Variants in DMBT1 observed in about 807,000 individuals in gnomAD.
DMBT1 encodes the protein scavenger receptor cysteine-rich domain-containing protein DMBT1.
In DMBT1, 198 loss-of-function variants were observed where a neutral mutation model predicts 252.9. That is an observed-to-expected ratio of 0.78 (90% CI 0.70 to 0.88). The LOEUF is 0.88. Among genes scored for constraint, DMBT1 ranks in the 40% least tolerant of loss-of-function variants. DMBT1 has a pLI of 0.00. For synonymous variants in DMBT1, 990 were observed against 942.7 expected (o/e 1.05, Z -0.92); for missense variants, 2,432 against 2,404.7 (o/e 1.01, Z -0.24).
At chr10:122,633,005 C>T in intron 51 of DMBT1, 115 bp downstream of exon 51, 1 of 1,544,740 alleles carries the variant, frequency 6.5e-7, no homozygotes, top group Non-Finnish European at 8.8e-7. Context: ...AGTGGTCTCC[C>T]TGCAAGAGTG....
Position 122,576,385 on chromosome 10 carries a change from G to T in DMBT1, c.284-14G>T. On this transcript the variant is annotated splice_polypyrimidine_tract_variant and intron_variant, in intron 6 of 55. Transcript: ENST00000338354. ...AGTAGGAATGTGCAAGAGAAATTCT[G>T]TGCCTTCCTCTAGGATCTGATTCTG... 6.2e-7 allele frequency: 1 copy of T among 1,612,410 alleles called. No individual in the cohort carries two copies. Among genetic ancestry groups the T allele is most frequent in the Non-Finnish European group, 8.5e-7 (1 of 1,179,026 alleles).
chr10:122,590,254 A>G (rs1441852201), intron 17 of DMBT1, among the ~76,000 whole-genome samples: 2 of 148,982 alleles, frequency 1.3e-5, no homozygotes, highest in Non-Finnish European at 3.0e-5. Flanking sequence ...CCTGTACACC[A>G]GTCAGGTGTA....
At chr10:122,578,655 C>T in intron 8 of DMBT1, 63 bp from the exon 9 acceptor site, 3 of 1,443,084 alleles carry the variant, frequency 2.1e-6, no homozygotes, top group Non-Finnish European at 2.9e-6. Flanking sequence ...CAGAGAACCG[C>T]TTGTTTTTTA....
In DMBT1 at chr10:122,621,045, G is replaced by A. The variant is rs748639007; in HGVS notation, c.5285-12G>A. 2 of 1,612,636 alleles carry A rather than the reference G, an allele frequency of 1.2e-6. No individual in the cohort carries two copies. Among genetic ancestry groups the A allele is most frequent in the Admixed American group, 3.3e-5 (2 of 59,996 alleles). ...ATCAGTATGGATGAAGGGTTCTTGTGTTCCCCTGTAGGATCTGAATCCAGT... is the reference window on the plus strand; with the variant it reads ...ATCAGTATGGATGAAGGGTTCTTGTATTCCCCTGTAGGATCTGAATCCAGT... On this transcript the variant is annotated splice_polypyrimidine_tract_variant and intron_variant, in intron 43 of 55. Transcript: ENST00000338354.
At chr10:122,590,599 G>C (rs2133582789) in intron 17 of DMBT1, 66 bp from the exon 18 acceptor site, 1 of 1,554,478 alleles carries the variant, frequency 6.4e-7, no homozygotes, top group Non-Finnish European at 8.8e-7. Context: ...TTAGTTCCTT[G>C]TACCTTTGTT....
In DMBT1 at chr10:122,617,280, C is replaced by G; in HGVS notation, c.4891+20C>G. ...CAGCAGGTAAACAATCCTCTCACCC[C>G]TCCCTAGGGCTCACTATCTCTGGAC... On this transcript the variant is annotated intron_variant, in intron 40 of 55. Transcript: ENST00000338354. 6.2e-7 allele frequency: 1 copy of G among 1,607,182 alleles called. No individual in the cohort carries two copies.
chr10:122,592,768 TTCCTGTGGTCACTTAGGACAGGC>T, intron 20 of DMBT1, among the ~76,000 whole-genome samples, 173 bp downstream of exon 20: 1 of 148,866 alleles, frequency 6.7e-6, no homozygotes, highest in Non-Finnish European at 1.5e-5. Context: ...GGGCTTGGTG[TTCCTGTGGTCACTTAGGACAGGC>T]CCCAAACTGA....
intron 52 of DMBT1, among the ~76,000 whole-genome samples, chr10:122,635,389 G>A (rs965567374): frequency 2.0e-5 from 3 of 152,110 alleles, no homozygotes; most frequent in South Asian, 4.2e-4. Context: ...ATCAGGATGC[G>A]AGCCCTTCCT....
At chr10:122,620,076 C>A (rs1166231937) in intron 42 of DMBT1, among the ~76,000 whole-genome samples, 177 bp from the exon 43 acceptor site, 1 of 152,238 alleles carries the variant, frequency 6.6e-6, no homozygotes, top group Non-Finnish European at 1.5e-5. Context: ...TGGTCTCCAG[C>A]AAGGCCTTTG....
intron 26 of DMBT1, among the ~76,000 whole-genome samples, chr10:122,599,474 A>G (rs964109617): frequency 6.6e-6 from 1 of 152,196 alleles, no homozygotes; most frequent in Non-Finnish European, 1.5e-5. Flanking sequence ...GGAACTCTGA[A>G]CTAAAGATGC....
chr10:122,562,682 T>C (rs991529850), intron 1 of DMBT1, among the ~76,000 whole-genome samples: 24 of 152,240 alleles, frequency 1.6e-4, no homozygotes, highest in Non-Finnish European at 3.1e-4. Flanking sequence ...TGCTCTTGGA[T>C]TGAGGACATT....
chr10:122,621,222 CG>C lies in DMBT1; in HGVS notation c.5452del (p.Ala1818ProfsTer56). On this transcript the variant is annotated frameshift_variant, in exon 44 of 56. Transcript: ENST00000338354. LOFTEE classifies it high-confidence loss of function. Reference sequence around the variant, plus strand: ...CAGCTGGGCTGTGGCTGGGCCATGTCGGCCCCAGGAAATGCCCGGTTTGGCC... The same window carrying C: ...CAGCTGGGCTGTGGCTGGGCCATGTCGCCCCAGGAAATGCCCGGTTTGGCC... ...CRQLGCGWAMSAPGNARFGQG... is the reference protein window; with the variant it reads ...CRQLGCGWAMXAPGNARFGQG... 1 of 1,613,830 alleles carries C rather than the reference CG, an allele frequency of 6.2e-7. No homozygotes were observed. Among genetic ancestry groups the C allele is most frequent in the Non-Finnish European group, 8.5e-7 (1 of 1,179,798 alleles).
At chr10:122,637,831 T>C (rs80303059) in intron 54 of DMBT1, among the ~76,000 whole-genome samples, 14,534 of 152,250 alleles carry the variant, frequency 0.095, 776 homozygotes, top group South Asian at 0.19. Context: ...ATTAGCTCCA[T>C]AGTCAGCTGG....
chr10:122,573,866 T>C, intron 6 of DMBT1, 104 bp downstream of exon 6: 1 of 1,434,740 alleles, frequency 7.0e-7, no homozygotes, highest in East Asian at 2.3e-5. Context: ...AGTAGGGTGC[T>C]TAGCTCCCAC....
chr10:122,591,396 C>G (rs2097847986), intron 18 of DMBT1, 83 bp from the exon 19 acceptor site: 1 of 1,408,256 alleles, frequency 7.1e-7, no homozygotes. Flanking sequence ...ATTCATGATG[C>G]TTGCCTTGTC....
rs752152103 is a variant in DMBT1 at position 122,621,169 on chromosome 10, C to T, written c.5397C>T (p.Asp1799=). 8.1e-6 allele frequency: 13 copies of T among 1,613,888 alleles called. No individual in the cohort carries two copies. In the Admixed American group the frequency reaches 2.2e-4, roughly 27 times the overall value. Residue 1799 remains aspartate, a synonymous_variant, in exon 44 of 56, where the codon GAC becomes GAT. Coordinates refer to ENST00000338354, the MANE Select transcript of DMBT1 (RefSeq NM_001377530.1). Reference sequence around the variant, plus strand: ...GAACCGTGTGTGATGACAGCTGGGACACCAATGATGCCAATGTGGTCTGCA... The same window carrying T: ...GAACCGTGTGTGATGACAGCTGGGATACCAATGATGCCAATGTGGTCTGCA... ...SWGTVCDDSW[D]TNDANVVCRQ... is the part of the protein sequence containing the mutation.
chr10:122,574,066 C>G (rs763357596), intron 6 of DMBT1, among the ~76,000 whole-genome samples: 3 of 152,204 alleles, frequency 2.0e-5, no homozygotes, highest in African/African-American at 4.8e-5. Context: ...CAGCTGTGCT[C>G]ATCCGTGGCC....
chr10:122,630,893 T>A, intron 48 of DMBT1, 68 bp from the exon 49 acceptor site: 2 of 1,508,406 alleles, frequency 1.3e-6, no homozygotes, highest in Non-Finnish European at 1.8e-6. Flanking sequence ...ATGCTTGGCC[T>A]TTGAGGTTTG....
intron 54 of DMBT1, among the ~76,000 whole-genome samples, chr10:122,637,614 C>T (rs1188000199): frequency 2.0e-5 from 3 of 152,202 alleles, no homozygotes; most frequent in Non-Finnish European, 4.4e-5. Flanking sequence ...CCAGATTTTG[C>T]AGGGCCTGAA....
Sources: gnomAD v4.1 joint callset for allele counts (sites outside exome capture counted in the v4.1 genomes callset) on GRCh38, gnomAD v4.1.1 for gene constraint, MANE v1.5 for transcripts, NCBI Gene and HGNC (gene_info 2026-07-23, HGNC 2026-07-21) for gene names.